Variants in RAB38 observed in about 807,000 individuals in gnomAD.
RAB38 encodes ras-related protein Rab-38.
Under a neutral mutation model 18.4 loss-of-function variants are expected in RAB38, and 15 were observed. The observed-to-expected ratio is 0.82, with a 90% CI of 0.55 to 1.26. The LOEUF (loss-of-function observed/expected upper bound fraction) is 1.26, where lower values mean the gene tolerates loss of function less well. Ranked by LOEUF, RAB38 falls within the 50% of genes most tolerant of loss-of-function variation. The probability of loss-of-function intolerance (pLI) is 0.00; values close to 1 mark genes in which losing one functional copy is unlikely to be tolerated. For missense variants in RAB38, 294 were observed against 267.4 expected, an observed-to-expected ratio of 1.10 and a Z score of -0.69; for synonymous variants, 101 against 104.4, an observed-to-expected ratio of 0.97 and a Z score of 0.20.
chr11:88,021,833 G>A, the RAB38 span, among the ~76,000 whole-genome samples: 1 of 125,710 alleles, frequency 8.0e-6, no homozygotes, highest in Non-Finnish European at 1.6e-5. Flanking sequence ...CAGCCTGGGT[G>A]ACAGAGCAAA....
the RAB38 span, among the ~76,000 whole-genome samples, chr11:88,057,296 C>A: frequency 1.3e-5 from 2 of 152,172 alleles, no homozygotes; most frequent in African/African-American, 2.4e-5. Context: ...CAGAACCATG[C>A]ATCCTCATTT....
the RAB38 span, among the ~76,000 whole-genome samples, chr11:87,819,559 A>G: frequency 6.6e-6 from 1 of 151,902 alleles, no homozygotes; most frequent in Non-Finnish European, 1.5e-5. Context: ...TTAAAAATTA[A>G]TTTCCCCTGT....
the RAB38 span, among the ~76,000 whole-genome samples, chr11:88,057,325 G>A: frequency 6.6e-6 from 1 of 152,128 alleles, no homozygotes; most frequent in Non-Finnish European, 1.5e-5. Flanking sequence ...CATTAGACCT[G>A]AATAGTCCTA....
At chr11:88,093,213 T>C in the RAB38 span, among the ~76,000 whole-genome samples, 1 of 151,926 alleles carries the variant, frequency 6.6e-6, no homozygotes, top group Non-Finnish European at 1.5e-5. Context: ...TCACAGACTT[T>C]TGGATAGCCT....
At chr11:88,100,168 CAA>C in the RAB38 span, 1 of 151,828 alleles carries the variant, frequency 6.6e-6, no homozygotes, top group Non-Finnish European at 1.5e-5. Flanking sequence ...AACACACACA[CAA>C]AGACAAAACA....
chr11:87,862,529 G>C, the RAB38 span, among the ~76,000 whole-genome samples: 1 of 151,906 alleles, frequency 6.6e-6, no homozygotes, highest in East Asian at 1.9e-4. Context: ...GTGGGAGGAG[G>C]GAGAGGATCA....
At chr11:87,882,212 G>A in the RAB38 span, among the ~76,000 whole-genome samples, 1 of 151,946 alleles carries the variant, frequency 6.6e-6, no homozygotes, top group Admixed American at 6.6e-5. Flanking sequence ...CCCATCATTA[G>A]CAAAATAAGT....
At chr11:88,121,159 G>A (rs528806249) in intron 2 of RAB38, among the ~76,000 whole-genome samples, 30 of 152,162 alleles carry the variant, frequency 2.0e-4, no homozygotes, top group African/African-American at 5.8e-4. Flanking sequence ...CTGGTACTTC[G>A]TACCCACCTC....
chr11:88,107,510 T>C, the RAB38 span, among the ~76,000 whole-genome samples: 2 of 152,134 alleles, frequency 1.3e-5, no homozygotes, highest in Non-Finnish European at 2.9e-5. Context: ...CATGTATTAT[T>C]TCATGACAAA....
At chr11:88,142,638 T>G (rs1942930228) in intron 2 of RAB38, among the ~76,000 whole-genome samples, 2 of 152,224 alleles carry the variant, frequency 1.3e-5, no homozygotes, top group African/African-American at 4.8e-5. Context: ...ATTTGAGTTC[T>G]GAAGACTCCT....
At chr11:88,127,593 A>G (rs955015878) in intron 2 of RAB38, among the ~76,000 whole-genome samples, 1 of 152,218 alleles carries the variant, frequency 6.6e-6, no homozygotes. Context: ...TCACCTAAGT[A>G]GTGCTACCCC....
the RAB38 span, among the ~76,000 whole-genome samples, chr11:87,822,094 A>C: frequency 6.6e-6 from 1 of 152,230 alleles, no homozygotes; most frequent in East Asian, 1.9e-4. Context: ...CCAAATTAAA[A>C]CAGGGACTAA....
chr11:88,069,523 G>A, the RAB38 span, among the ~76,000 whole-genome samples: 1,252 of 152,328 alleles, frequency 8.2e-3, 17 homozygotes, highest in African/African-American at 0.029. Context: ...GTGGGGTGGG[G>A]ATTTGGAGAA....
chr11:87,876,350 T>G, the RAB38 span, among the ~76,000 whole-genome samples: 1 of 151,514 alleles, frequency 6.6e-6, no homozygotes. Flanking sequence ...ACCATAGTCC[T>G]TTTTCCTTCT....
At chr11:87,903,029 T>C in the RAB38 span, among the ~76,000 whole-genome samples, 1 of 151,342 alleles carries the variant, frequency 6.6e-6, no homozygotes, top group East Asian at 1.9e-4. Flanking sequence ...TTACTCATCC[T>C]TTCCTATCAT....
Position 88,175,394 on chromosome 11 carries a change from C to A in RAB38, c.-10G>T. 1 of 1,613,140 alleles carries A rather than the reference C, an allele frequency of 6.2e-7. No homozygotes were observed. Among genetic ancestry groups the A allele is most frequent in the Non-Finnish European group, 8.5e-7 (1 of 1,179,460 alleles). ...TGTGCGGGGCCTGCATCCTGGCGGC[C>A]GGCCAGACGTGCCGTGCCTGACCAG... is the stretch of plus-strand genomic sequence containing the variant. On this transcript the variant is annotated 5_prime_UTR_variant, in exon 1 of 3. Coordinates refer to ENST00000243662, the MANE Select transcript of RAB38 (RefSeq NM_022337.3).
At chr11:88,043,556 G>A in the RAB38 span, among the ~76,000 whole-genome samples, 1 of 151,720 alleles carries the variant, frequency 6.6e-6, no homozygotes, top group Non-Finnish European at 1.5e-5. Context: ...AAATTCCTTT[G>A]CCTGGCTCAT....
chr11:88,096,794 T>C, the RAB38 span, among the ~76,000 whole-genome samples: 2 of 151,828 alleles, frequency 1.3e-5, no homozygotes, highest in African/African-American at 4.8e-5. Context: ...TTTCACACTA[T>C]ATTTTTAAAT....
the RAB38 span, among the ~76,000 whole-genome samples, chr11:87,971,085 T>C: frequency 1.3e-5 from 2 of 152,212 alleles, no homozygotes; most frequent in African/African-American, 4.8e-5. Context: ...GTCTTCAGCG[T>C]TGCACGGTTC....
Sources: allele counts gnomAD v4.1 joint callset (sites outside exome capture counted in the v4.1 genomes callset), GRCh38; gene constraint gnomAD v4.1.1; transcripts MANE v1.5; gene names NCBI Gene and HGNC (gene_info 2026-07-23, HGNC 2026-07-21).